ALDH1A3: variants seen among roughly 807,000 people sequenced by gnomAD.
The protein encoded by ALDH1A3 is aldehyde dehydrogenase 1 family member A3, also known as retinaldehyde dehydrogenase 3.
ALDH1A3 carries 28 observed loss-of-function variants against 57.5 expected under a neutral mutation model. The ratio of observed to expected loss-of-function variants is 0.49; its 90% CI spans 0.36 to 0.67. The LOEUF (loss-of-function observed/expected upper bound fraction) is 0.67. ALDH1A3 is among the 30% of genes least tolerant of loss of function. The probability of loss-of-function intolerance (pLI) is 0.00; values close to 1 mark genes in which losing one functional copy is unlikely to be tolerated. For synonymous variants in ALDH1A3, 281 were observed against 264.8 expected (o/e 1.06, Z -0.59); for missense variants, 507 against 669.4 (o/e 0.76, Z 2.68).
intron 7 of ALDH1A3, among the ~76,000 whole-genome samples, chr15:100,897,033 C>T (rs919956632): frequency 1.3e-5 from 2 of 152,160 alleles, no homozygotes; most frequent in African/African-American, 4.8e-5. Flanking sequence ...TGTGGAATTA[C>T]TTTTAATGAG....
chr15:100,893,057 GC>G lies in ALDH1A3; in HGVS notation c.537+54del. ...GATTCTATGTAGATCCTGCCCCACT[GC>G]CCTGTGTCCTTTGGAATCAATTTCT... On this transcript the variant is annotated intron_variant, in intron 5 of 12. Coordinates refer to ENST00000329841, the MANE Select transcript of ALDH1A3 (RefSeq NM_000693.4). This position sits in a 1 kb window ranked among gnomAD's most constrained non-coding sequence, Gnocchi z 4.8. The G allele has an allele frequency of 2.6e-6, 4 of 1,513,300 alleles. No homozygotes were observed. In the African/African-American group the frequency reaches 4.1e-5, roughly 16 times the overall value. The allele number at this position is 1,513,300 out of a possible 1,614,324, so 93.7% of individuals were successfully genotyped here.
At chr15:100,882,994 AT>A (rs544219688) in intron 1 of ALDH1A3, among the ~76,000 whole-genome samples, 6 of 151,686 alleles carry the variant, frequency 4.0e-5, no homozygotes, top group East Asian at 1.9e-4. Flanking sequence ...AAACAGTCTG[AT>A]TTTTTTTTAA....
At chr15:100,910,200 G>C (rs1485767620) in intron 12 of ALDH1A3, among the ~76,000 whole-genome samples, 1 of 152,268 alleles carries the variant, frequency 6.6e-6, no homozygotes, top group Admixed American at 6.5e-5. Context: ...GCACTTGTGA[G>C]TGAAGCCTGT....
In ALDH1A3 at chr15:100,882,366, A is replaced by G. The variant is rs4646648; in HGVS notation, c.99+2360A>G. ...ATCTCAGAGGATAGAAGTCCCTTCT[A>G]ATTTAGAGGGCCTCTTTCTTTCCTT... is the stretch of plus-strand genomic sequence containing the variant. On this transcript the variant is annotated intron_variant, in intron 1 of 12. Coordinates refer to ENST00000329841, the MANE Select transcript of ALDH1A3 (RefSeq NM_000693.4). Among the ~76,000 whole-genome samples, 576 of 152,324 alleles carry G rather than the reference A, an allele frequency of 3.8e-3. 10 individuals are homozygous for G. The highest frequency in any genetic ancestry group is 0.024 in the East Asian group (123 of 5,186).
Position 100,907,175 on chromosome 15 carries a change from A to C in ALDH1A3, c.1288A>C (p.Lys430Gln), listed in dbSNP as rs2141570300. 2 of 1,614,188 alleles carry C rather than the reference A, an allele frequency of 1.2e-6. No individual in the cohort carries two copies. Among genetic ancestry groups the C allele is most frequent in the East Asian group, 4.5e-5 (2 of 44,888 alleles). ...LKFKSIEEVI[K>Q]RANSTDYGLT... ...GTTCAAAAGTATCGAAGAAGTGATA[A>C]AAAGAGCGAATAGCACCGACTATGG... The change falls in exon 11 of 13, where the codon AAA becomes CAA. Residue 430 changes from lysine (K) to glutamine (Q), a missense_variant. Physicochemically the swap from Lys to Gln is moderately conservative, Grantham distance 53 (BLOSUM62 1). Coordinates refer to ENST00000329841, the MANE Select transcript of ALDH1A3 (RefSeq NM_000693.4).
chr15:100,884,606 G>T (rs893030985), intron 1 of ALDH1A3, among the ~76,000 whole-genome samples: 1 of 135,670 alleles, frequency 7.4e-6, no homozygotes, highest in Admixed American at 8.1e-5. Flanking sequence ...TTTATTTTAA[G>T]TTCTAGGGTA....
chr15:100,909,315 C>T (rs561192999), intron 12 of ALDH1A3, among the ~76,000 whole-genome samples: 80 of 135,670 alleles, frequency 5.9e-4, no homozygotes, highest in Admixed American at 1.5e-3. Context: ...TGTGAACCCA[C>T]TGCAAACTCC....
chr15:100,890,807 G>A (rs1180976456), intron 3 of ALDH1A3, among the ~76,000 whole-genome samples: 1 of 152,202 alleles, frequency 6.6e-6, no homozygotes, highest in Non-Finnish European at 1.5e-5. Context: ...TGACAGATAT[G>A]CAGATACTGT....
chr15:100,900,306 A>T (rs1477722841), intron 8 of ALDH1A3, among the ~76,000 whole-genome samples: 1 of 152,026 alleles, frequency 6.6e-6, no homozygotes, highest in East Asian at 1.9e-4. Flanking sequence ...GGGTGCTATG[A>T]CTCTCTGGAC....
chr15:100,905,914 T>A (rs1018556703), intron 10 of ALDH1A3, among the ~76,000 whole-genome samples: 12 of 152,286 alleles, frequency 7.9e-5, no homozygotes, highest in African/African-American at 2.6e-4. Context: ...ATACAGCAGG[T>A]ACCTTGTTTG....
intron 2 of ALDH1A3, among the ~76,000 whole-genome samples, chr15:100,885,573 C>T (rs2041586714): frequency 6.6e-6 from 1 of 152,116 alleles, no homozygotes; most frequent in African/African-American, 2.4e-5. Context: ...GAGAATCATT[C>T]TCCCTTGATA....
chr15:100,891,001 G>C (rs12902704), intron 3 of ALDH1A3, among the ~76,000 whole-genome samples: 55,458 of 152,048 alleles, frequency 0.36, 13,532 homozygotes, highest in African/African-American at 0.68. Context: ...CACACCCCAA[G>C]CTAGACCAGT....
intron 3 of ALDH1A3, among the ~76,000 whole-genome samples, chr15:100,890,912 T>C (rs1473971907): frequency 6.6e-6 from 1 of 152,238 alleles, no homozygotes; most frequent in Non-Finnish European, 1.5e-5. Flanking sequence ...TGAAAATCTA[T>C]AGGAACCAAC....
intron 12 of ALDH1A3, among the ~76,000 whole-genome samples, chr15:100,911,253 G>A (rs776630202): frequency 6.6e-6 from 1 of 152,176 alleles, no homozygotes; most frequent in Non-Finnish European, 1.5e-5. Flanking sequence ...GGATTCCATG[G>A]TTTTCCCCGT....
rs986905739 is a variant in ALDH1A3, at chr15:100,892,497, C to G, written c.346-13C>G. 2.5e-6 allele frequency: 4 copies of G among 1,609,348 alleles called. No individual in the cohort carries two copies. The highest frequency in any genetic ancestry group is 3.4e-6 in the Non-Finnish European group (4 of 1,178,950). ...AAGCTATGTCCGAAACAGACATCAT[C>G]TTGTTATTGCAGGCCCTGGAGACGA... On this transcript the variant is annotated splice_polypyrimidine_tract_variant and intron_variant, in intron 3 of 12. Coordinates refer to ENST00000329841, the MANE Select transcript of ALDH1A3 (RefSeq NM_000693.4).
intron 8 of ALDH1A3, 124 bp downstream of exon 8, chr15:100,898,309 C>G (rs1002185542): frequency 4.3e-5 from 33 of 763,280 alleles, no homozygotes; most frequent in Middle Eastern, 3.8e-4. Context: ...GGGGACGCTT[C>G]CACCGTGGGC....
chr15:100,898,769 G>A (rs1358318364), intron 8 of ALDH1A3, among the ~76,000 whole-genome samples: 1 of 152,192 alleles, frequency 6.6e-6, no homozygotes, highest in African/African-American at 2.4e-5. Flanking sequence ...AGCAGTTTGG[G>A]GATAGCTTGC....
rs2041527112 is a variant in ALDH1A3, at chr15:100,879,859, C to T, written c.-49C>T. The T allele has an allele frequency of 1.6e-6, 2 of 1,288,816 alleles. No individual in the cohort carries two copies. Among genetic ancestry groups the T allele is most frequent in the East Asian group, 3.2e-5 (1 of 31,502 alleles). 79.8% of individuals were successfully genotyped at this position (1,288,816 alleles called of 1,614,324 possible). A position where few individuals can be genotyped will look rare whatever the true frequency, so the allele number is the denominator to read the frequency against. On this transcript the variant is annotated 5_prime_UTR_variant, in exon 1 of 13. Transcript: ENST00000329841. ...GGGCTGCGCAGTGTCCGGGCCGAGC[C>T]GGTGCGCCGCAGACTAGGGCGCCTC...
In ALDH1A3 at chr15:100,912,972, C is replaced by T. The variant is rs1480673272; in HGVS notation, c.1467-1729C>T. Reference sequence around the variant, plus strand: ...AGGAGATCGAGACCATCCTGGCTAACAAGGTGAAACCCCGTCTCTACTAAA... The same window carrying T: ...AGGAGATCGAGACCATCCTGGCTAATAAGGTGAAACCCCGTCTCTACTAAA... On this transcript the variant is annotated intron_variant, in intron 12 of 12. Coordinates refer to ENST00000329841, the MANE Select transcript of ALDH1A3 (RefSeq NM_000693.4). 5.2e-5 allele frequency among the ~76,000 whole-genome samples: 2 copies of T among 38,814 alleles called. 1 individual carries two copies. Among genetic ancestry groups the T allele is most frequent in the Non-Finnish European group, 1.1e-4 (2 of 17,666 alleles). 25.5% of individuals were successfully genotyped at this position (38,814 alleles called of 152,430 possible).
Sources: gnomAD v4.1 joint callset for allele counts (sites outside exome capture counted in the v4.1 genomes callset) on GRCh38, gnomAD v4.1.1 for gene constraint, Gnocchi (gnomAD v3.1) non-coding constraint, MANE v1.5 for transcripts, NCBI Gene and HGNC (gene_info 2026-07-23, HGNC 2026-07-21) for gene names.